MAN2A1: variants seen among roughly 807,000 people sequenced by gnomAD.
MAN2A1 encodes the protein mannosidase alpha class 2A member 1, also known as alpha-mannosidase 2.
A neutral mutation model predicts 142.6 loss-of-function variants in MAN2A1; 76 were observed. That is an observed-to-expected ratio of 0.53 (90% CI 0.44 to 0.65). The LOEUF is 0.65. MAN2A1 is among the 30% of genes least tolerant of loss of function. The pLI is 0.00. For synonymous variants in MAN2A1, 559 were observed against 473.2 expected, an observed-to-expected ratio of 1.18 and a Z score of -2.35; for missense variants, 1,311 against 1,365.1, an observed-to-expected ratio of 0.96 and a Z score of 0.62.
chr5:109,801,224 A>C (rs1440824144), intron 12 of MAN2A1, among the ~76,000 whole-genome samples: 1 of 152,142 alleles, frequency 6.6e-6, no homozygotes, highest in Non-Finnish European at 1.5e-5. Flanking sequence ...TAGCTCTACC[A>C]CTGTTAGCCT....
intron 16 of MAN2A1, among the ~76,000 whole-genome samples, chr5:109,826,541 A>T (rs1252159972): frequency 6.6e-6 from 1 of 152,172 alleles, no homozygotes; most frequent in Non-Finnish European, 1.5e-5. Context: ...TCCTCTTAAC[A>T]AATCTCCCTC....
At chr5:109,729,801 T>C (rs1206026541) in intron 4 of MAN2A1, among the ~76,000 whole-genome samples, 1 of 152,174 alleles carries the variant, frequency 6.6e-6, no homozygotes, top group African/African-American at 2.4e-5. Context: ...AAGACCACTC[T>C]GGCCAACATG....
chr5:109,755,520 A>C, intron 5 of MAN2A1, 64 bp downstream of exon 5: 1 of 1,313,074 alleles, frequency 7.6e-7, no homozygotes. Flanking sequence ...ATGTGAAGTG[A>C]GGCTCTGTTC....
chr5:109,727,055 A>T (rs1214757221), intron 3 of MAN2A1, among the ~76,000 whole-genome samples: 1 of 152,208 alleles, frequency 6.6e-6, no homozygotes, highest in East Asian at 1.9e-4. Flanking sequence ...AGGTAGATAT[A>T]GTATATTCAG....
At chr5:109,718,432 G>C (rs576779911) in intron 3 of MAN2A1, among the ~76,000 whole-genome samples, 2 of 152,306 alleles carry the variant, frequency 1.3e-5, no homozygotes, top group South Asian at 4.1e-4. Flanking sequence ...ACGCATGAAG[G>C]TTAGTGCCAT....
intron 3 of MAN2A1, among the ~76,000 whole-genome samples, chr5:109,723,569 C>T (rs1436509271): frequency 6.6e-6 from 1 of 152,144 alleles, no homozygotes; most frequent in African/African-American, 2.4e-5. Flanking sequence ...TGTTTCTCTG[C>T]TTCTACTTTG....
intron 2 of MAN2A1, among the ~76,000 whole-genome samples, chr5:109,713,979 TCTTA>T (rs1163617455): frequency 2.0e-5 from 3 of 152,142 alleles, no homozygotes; most frequent in Admixed American, 6.5e-5. Context: ...TCTCAGTTTA[TCTTA>T]CTATTTTATA....
intron 5 of MAN2A1, among the ~76,000 whole-genome samples, chr5:109,759,667 G>A (rs1752785534): frequency 6.6e-6 from 1 of 152,106 alleles, no homozygotes; most frequent in African/African-American, 2.4e-5. Context: ...CAGCTTATGT[G>A]AACTTTGAAA....
chr5:109,730,928 A>G (rs570096950), intron 4 of MAN2A1, among the ~76,000 whole-genome samples: 2 of 152,256 alleles, frequency 1.3e-5, no homozygotes, highest in South Asian at 2.1e-4. Flanking sequence ...TTGAAGTGCA[A>G]TCTTTATTAT....
At chr5:109,827,476 CA>C (rs1310938643) in intron 16 of MAN2A1, among the ~76,000 whole-genome samples, 1 of 152,158 alleles carries the variant, frequency 6.6e-6, no homozygotes, top group Admixed American at 6.5e-5. Context: ...TCAAGAACGA[CA>C]AGCAACATTT....
intron 7 of MAN2A1, among the ~76,000 whole-genome samples, chr5:109,773,135 A>G (rs1009413734): frequency 2.0e-5 from 3 of 152,274 alleles, no homozygotes; most frequent in Non-Finnish European, 2.9e-5. Flanking sequence ...TTGGTTCCAT[A>G]TATTTACCAT....
chr5:109,728,045 A>G (rs1384084402), intron 3 of MAN2A1, among the ~76,000 whole-genome samples: 1 of 152,176 alleles, frequency 6.6e-6, no homozygotes, highest in Admixed American at 6.5e-5. Flanking sequence ...AAGTCCTATA[A>G]AGACTATTTG....
At chr5:109,727,049 A>G (rs919135883) in intron 3 of MAN2A1, among the ~76,000 whole-genome samples, 5 of 152,316 alleles carry the variant, frequency 3.3e-5, no homozygotes, top group African/African-American at 9.6e-5. Flanking sequence ...ATATGTAGGT[A>G]GATATAGTAT....
intron 4 of MAN2A1, among the ~76,000 whole-genome samples, chr5:109,746,973 C>T (rs114753057): frequency 0.01 from 1,578 of 152,232 alleles, 24 homozygotes; most frequent in African/African-American, 0.036. Context: ...CATGATATTC[C>T]CCTGTATGTA....
In MAN2A1 at chr5:109,792,028, C is replaced by T. The variant is rs186630630; in HGVS notation, c.1943+2501C>T. 3.3e-5 allele frequency among the ~76,000 whole-genome samples: 5 copies of T among 152,034 alleles called. No individual in the cohort carries two copies. In the East Asian group the frequency reaches 7.7e-4, roughly 24 times the overall value. ...ATGTGAGCTATATCATGTGTGGATT[C>T]GTAGTTTTTGTGTAGAAAACAGATA... is the stretch of plus-strand genomic sequence containing the variant. On this transcript the variant is annotated intron_variant, in intron 12 of 21. Transcript: ENST00000261483.
rs1361792658 is a variant in MAN2A1 at position 109,867,125 on chromosome 5, G to T, written c.*127G>T. On this transcript the variant is annotated 3_prime_UTR_variant, in exon 22 of 22. Coordinates refer to ENST00000261483, the MANE Select transcript of MAN2A1 (RefSeq NM_002372.4). ...GAACATGAATTCTGTGATTCTGTGG[G>T]TTTTTTCTTTTTTCTTTTACCAGTA... The T allele has an allele frequency of 1.4e-4, 53 of 388,414 alleles. No individual in the cohort carries two copies. The highest frequency in any genetic ancestry group is 1.8e-4 in the Non-Finnish European group (43 of 242,538). The allele number at this position is 388,414 out of a possible 1,614,324, so 24.1% of individuals were successfully genotyped here.
chr5:109,693,767 G>A (rs1750738363), intron 1 of MAN2A1, among the ~76,000 whole-genome samples: 1 of 152,130 alleles, frequency 6.6e-6, no homozygotes, highest in Non-Finnish European at 1.5e-5. Context: ...CCGAAGCCTT[G>A]CTTCTGCTTC....
Position 109,789,005 on chromosome 5 carries a change from A to G in MAN2A1, c.1832A>G (p.Lys611Arg), listed in dbSNP as rs1753670027. 6.2e-7 allele frequency: 1 copy of G among 1,604,290 alleles called. No homozygotes were observed. Among genetic ancestry groups the G allele is most frequent in the African/African-American group, 1.3e-5 (1 of 74,616 alleles). Residue 611 changes from lysine to arginine, a missense_variant, in exon 11 of 22, where the codon AAA (lysine) becomes AGA (arginine). By Grantham distance (26) the Lys-to-Arg change is conservative. This residue lies in a region of MAN2A1 where 890 missense variants were observed against 920.5 expected (regional missense o/e 0.97). Coordinates refer to ENST00000261483, the MANE Select transcript of MAN2A1 (RefSeq NM_002372.4). ...GCATTTCTTCTTATTTTGAAGGACA[A>G]ACTCACATACGACTCTTACTCTCCT... is the stretch of plus-strand genomic sequence containing the variant. ...NSAFLLILKDKLTYDSYSPDT... is the reference protein window; with the variant it reads ...NSAFLLILKDRLTYDSYSPDT...
At position 109,820,262 on chromosome 5, in the gene MAN2A1, G is replaced by T; in HGVS notation, c.2371G>T (p.Val791Leu). 6.2e-7 allele frequency: 1 copy of T among 1,610,046 alleles called. No individual in the cohort carries two copies. The highest frequency in any genetic ancestry group is 1.3e-5 in the African/African-American group (1 of 74,920). ...AGATGGTAAACACCATGAAGTAAATGTGCAATTTTCATGGTATGGAACCAC... is the reference window on the plus strand; with the variant it reads ...AGATGGTAAACACCATGAAGTAAATTTGCAATTTTCATGGTATGGAACCAC... ...KEDGKHHEVN[V>L]QFSWYGTTIK... is the part of the protein sequence containing the mutation. Residue 791 changes from valine (V) to leucine (L), a missense_variant, in exon 15 of 22, where the codon GTG (valine) becomes TTG (leucine). Coordinates refer to ENST00000261483, the MANE Select transcript of MAN2A1 (RefSeq NM_002372.4).
Sources: allele counts gnomAD v4.1 joint callset (sites outside exome capture counted in the v4.1 genomes callset), GRCh38; gene constraint gnomAD v4.1.1; regional missense constraint gnomAD v4.1.1; transcripts MANE v1.5; gene names NCBI Gene and HGNC (gene_info 2026-07-23, HGNC 2026-07-21).